Variants in WASF3 observed in about 807,000 individuals in gnomAD.
The protein encoded by WASF3 is actin-binding protein WASF3.
In WASF3, 11 loss-of-function variants were observed where a neutral mutation model predicts 46.6. The observed-to-expected ratio is 0.24, with a 90% CI of 0.15 to 0.39. The LOEUF (loss-of-function observed/expected upper bound fraction) is 0.39. Among genes scored for constraint, WASF3 ranks in the 10% least tolerant of loss-of-function variants. The pLI is 1.00. For synonymous variants in WASF3, 242 were observed against 259.7 expected (o/e 0.93, Z 0.65); for missense variants, 576 against 669.8 (o/e 0.86, Z 1.55).
the WASF3 span, among the ~76,000 whole-genome samples, chr13:26,544,713 C>T: frequency 1.3e-5 from 2 of 152,132 alleles, no homozygotes; most frequent in African/African-American, 4.8e-5. Context: ...AACAAGCATC[C>T]CGAGTCTGTT....
chr13:26,662,682 G>A (rs1882663203), intron 3 of WASF3, among the ~76,000 whole-genome samples: 1 of 152,208 alleles, frequency 6.6e-6, no homozygotes, highest in Non-Finnish European at 1.5e-5. Context: ...GGCCAACAAA[G>A]TGTCTCTTGG....
chr13:26,578,131 C>T (rs570326073), intron 1 of WASF3, among the ~76,000 whole-genome samples: 3 of 152,118 alleles, frequency 2.0e-5, no homozygotes, highest in Non-Finnish European at 2.9e-5. Flanking sequence ...CTTTTCTTTC[C>T]TCCTGCCTTA....
upstream of WASF3, among the ~76,000 whole-genome samples, chr13:26,556,322 A>G (rs1240401821): frequency 6.6e-6 from 1 of 152,212 alleles, no homozygotes; most frequent in Non-Finnish European, 1.5e-5. Context: ...TTAATGACCT[A>G]AACATAGACA....
At chr13:26,563,039 G>A (rs759012693) in intron 1 of WASF3, among the ~76,000 whole-genome samples, 7 of 151,080 alleles carry the variant, frequency 4.6e-5, no homozygotes, top group Admixed American at 1.3e-4. Context: ...TTTGCAGGGC[G>A]GTTGCTTCCC....
At chr13:26,563,804 T>TA (rs530714375) in intron 1 of WASF3, among the ~76,000 whole-genome samples, 2 of 151,318 alleles carry the variant, frequency 1.3e-5, no homozygotes, top group Non-Finnish European at 1.5e-5. Context: ...TTTTTTTTTT[T>TA]AAATTTTAAA....
At chr13:26,577,111 A>G (rs1057080330) in intron 1 of WASF3, 5 of 792,034 alleles carry the variant, frequency 6.3e-6, no homozygotes, top group South Asian at 1.3e-5. Flanking sequence ...TGATTTGCAG[A>G]AAGATGAGAT....
At chr13:26,668,890 T>G (rs565715929) in intron 5 of WASF3, among the ~76,000 whole-genome samples, 2 of 152,352 alleles carry the variant, frequency 1.3e-5, no homozygotes, top group African/African-American at 4.8e-5. Flanking sequence ...AATTTATGGC[T>G]TTGCATTTGT....
intron 1 of WASF3, among the ~76,000 whole-genome samples, chr13:26,566,525 C>T (rs995302457): frequency 6.6e-6 from 1 of 152,218 alleles, no homozygotes; most frequent in African/African-American, 2.4e-5. Context: ...TGACTCAGAG[C>T]AAGAAGCATC....
intron 3 of WASF3, among the ~76,000 whole-genome samples, chr13:26,643,078 C>A (rs1882047693): frequency 6.6e-6 from 1 of 152,140 alleles, no homozygotes; most frequent in African/African-American, 2.4e-5. Flanking sequence ...TATTAAATAT[C>A]TGAAGAATAT....
chr13:26,670,075 T>C (rs575748862), intron 5 of WASF3, among the ~76,000 whole-genome samples: 2 of 152,324 alleles, frequency 1.3e-5, no homozygotes, highest in East Asian at 3.9e-4. Flanking sequence ...ATTGCAGCAC[T>C]ATTCGCAATA....
intron 1 of WASF3, among the ~76,000 whole-genome samples, chr13:26,571,860 G>A (rs141323581): frequency 2.2e-4 from 34 of 152,296 alleles, no homozygotes; most frequent in African/African-American, 7.7e-4. Flanking sequence ...TCGAATGTTC[G>A]TCTGCTTTCA....
At chr13:26,656,722 T>C (rs1378381149) in intron 3 of WASF3, among the ~76,000 whole-genome samples, 1 of 152,124 alleles carries the variant, frequency 6.6e-6, no homozygotes, top group African/African-American at 2.4e-5. Flanking sequence ...CCCAATTTTG[T>C]TAGTTATGTT....
chr13:26,582,329 G>A (rs61944915), intron 1 of WASF3, among the ~76,000 whole-genome samples: 1 of 152,046 alleles, frequency 6.6e-6, no homozygotes, highest in African/African-American at 2.4e-5. Context: ...TTTATTAGCT[G>A]TGTGATTCGG....
intron 1 of WASF3, among the ~76,000 whole-genome samples, chr13:26,561,965 A>G (rs1879308519): frequency 6.6e-6 from 1 of 152,182 alleles, no homozygotes; most frequent in South Asian, 2.1e-4. Context: ...TAAAAATGCC[A>G]TTTTTTCTCT....
chr13:26,670,076 A>G (rs1228745931), intron 5 of WASF3, among the ~76,000 whole-genome samples: 1 of 152,206 alleles, frequency 6.6e-6, no homozygotes, highest in Non-Finnish European at 1.5e-5. Flanking sequence ...TTGCAGCACT[A>G]TTCGCAATAG....
At chr13:26,545,837 C>T in the WASF3 span, among the ~76,000 whole-genome samples, 1 of 152,190 alleles carries the variant, frequency 6.6e-6, no homozygotes, top group South Asian at 2.1e-4. Context: ...TTCCTGACCC[C>T]AAGATATCCT....
intron 1 of WASF3, among the ~76,000 whole-genome samples, chr13:26,607,634 G>GTT (rs761942554): frequency 6.6e-6 from 1 of 151,024 alleles, no homozygotes; most frequent in Non-Finnish European, 1.5e-5. Flanking sequence ...GCAGTTTTTT[G>GTT]TTTTGTTTTT....
At chr13:26,627,470 G>A (rs1881503456) in intron 2 of WASF3, among the ~76,000 whole-genome samples, 1 of 151,976 alleles carries the variant, frequency 6.6e-6, no homozygotes, top group African/African-American at 2.4e-5. Context: ...TATCTATCTG[G>A]TTCTTTGTTT....
intron 1 of WASF3, among the ~76,000 whole-genome samples, chr13:26,588,367 A>G (rs1880189872): frequency 1.3e-5 from 2 of 152,236 alleles, no homozygotes; most frequent in South Asian, 2.1e-4. Context: ...GTTTAAAAAC[A>G]CAACATGACC....
Sources: allele counts gnomAD v4.1 joint callset (sites outside exome capture counted in the v4.1 genomes callset), GRCh38; gene constraint gnomAD v4.1.1; transcripts MANE v1.5; gene names NCBI Gene and HGNC (gene_info 2026-07-23, HGNC 2026-07-21).